The following SLC13A1 variants were observed in gnomAD, a reference collection of about 807,000 sequenced individuals.
SLC13A1 encodes solute carrier family 13 member 1, also known as Na(+)/sulfate cotransporter.
In SLC13A1, 65 loss-of-function variants were observed where a neutral mutation model predicts 70.0. The ratio of observed to expected loss-of-function variants is 0.93; its 90% confidence interval spans 0.76 to 1.14. The LOEUF is 1.14. SLC13A1 is among the 50% of genes most tolerant of loss of function. The pLI is 0.00. For missense variants in SLC13A1, 726 were observed against 717.8 expected (o/e 1.01, Z -0.13); for synonymous variants, 275 against 250.5 (o/e 1.10, Z -0.92).
At chr7:123,180,834 G>A (rs1423522442) in intron 2 of SLC13A1, 139 bp downstream of exon 2, 4 of 794,876 alleles carry the variant, frequency 5.0e-6, no homozygotes, top group Non-Finnish European at 5.8e-6. Context: ...ATGCCAGAGA[G>A]GAGAAACAGT....
At chr7:123,117,652 T>G in intron 13 of SLC13A1, 44 bp from the exon 14 acceptor site, 2 of 1,404,702 alleles carry the variant, frequency 1.4e-6, no homozygotes, top group Non-Finnish European at 1.9e-6. Context: ...ATTTTGAGGG[T>G]AGACACGAAA....
chr7:123,121,197 C>T (rs1402200742), intron 12 of SLC13A1, among the ~76,000 whole-genome samples: 1 of 152,020 alleles, frequency 6.6e-6, no homozygotes, highest in African/African-American at 2.4e-5. Context: ...CAGAGAACAA[C>T]AGCAGGACTG....
At chr7:123,167,828 G>A (rs1207697399) in intron 6 of SLC13A1, among the ~76,000 whole-genome samples, 1 of 151,956 alleles carries the variant, frequency 6.6e-6, no homozygotes, top group East Asian at 1.9e-4. Context: ...ATGAATAGGA[G>A]TTGCTCCAAG....
chr7:123,153,958 T>C (rs1563335108), intron 6 of SLC13A1, among the ~76,000 whole-genome samples: 1 of 152,102 alleles, frequency 6.6e-6, no homozygotes, highest in African/African-American at 2.4e-5. Context: ...TCCACCTTCT[T>C]GATACTTTTT....
At chr7:123,199,452 G>C (rs1796283882) in intron 1 of SLC13A1, among the ~76,000 whole-genome samples, 1 of 152,050 alleles carries the variant, frequency 6.6e-6, no homozygotes, top group African/African-American at 2.4e-5. Flanking sequence ...GATTTCCCTT[G>C]TTCTTCCACC....
chr7:123,188,103 T>C (rs557873645), intron 1 of SLC13A1, among the ~76,000 whole-genome samples: 144 of 152,258 alleles, frequency 9.5e-4, no homozygotes, highest in Admixed American at 1.6e-3. Flanking sequence ...CAGGTGGAGG[T>C]AATTGAATAA....
chr7:123,160,629 T>C (rs6963735), intron 6 of SLC13A1, among the ~76,000 whole-genome samples: 48,125 of 151,948 alleles, frequency 0.32, 7,903 homozygotes, highest in African/African-American at 0.4. Context: ...ACCTAATTAG[T>C]TAAAAATGTA....
At chr7:123,160,103 G>A (rs1794839347) in intron 6 of SLC13A1, among the ~76,000 whole-genome samples, 1 of 151,832 alleles carries the variant, frequency 6.6e-6, no homozygotes, top group Non-Finnish European at 1.5e-5. Context: ...CCAACATAGT[G>A]ACATCCCTTC....
chr7:123,122,419 T>C (rs1793413851), intron 12 of SLC13A1, among the ~76,000 whole-genome samples: 1 of 152,144 alleles, frequency 6.6e-6, no homozygotes, highest in African/African-American at 2.4e-5. Context: ...TAGGAGTAAT[T>C]AATTTTCATG....
chr7:123,195,496 A>G (rs1276869424), intron 1 of SLC13A1, among the ~76,000 whole-genome samples: 1 of 151,804 alleles, frequency 6.6e-6, no homozygotes, highest in Non-Finnish European at 1.5e-5. Context: ...TTCTTTGACC[A>G]ACTTCTCGAC....
intron 12 of SLC13A1, 25 bp from the exon 13 acceptor site, chr7:123,119,267 G>T (rs1310968013): frequency 1.3e-5 from 19 of 1,497,404 alleles, no homozygotes; most frequent in Non-Finnish European, 1.7e-5. Flanking sequence ...TGCAATATTT[G>T]TTACTCATGA....
chr7:123,176,142 C>T (rs1795439533), intron 2 of SLC13A1, among the ~76,000 whole-genome samples: 1 of 152,190 alleles, frequency 6.6e-6, no homozygotes, highest in South Asian at 2.1e-4. Context: ...ATAGACCATG[C>T]AAACAAACTA....
intron 6 of SLC13A1, chr7:123,148,482 T>A: frequency 2.2e-6 from 1 of 453,338 alleles, no homozygotes; most frequent in Non-Finnish European, 4.4e-6. Context: ...ATTTAAGAGA[T>A]GACTTTCTAG....
chr7:123,143,074 G>A (rs946601323), intron 7 of SLC13A1, among the ~76,000 whole-genome samples: 1 of 152,150 alleles, frequency 6.6e-6, no homozygotes, highest in East Asian at 1.9e-4. Context: ...CTGTGGCTGA[G>A]CTGGTATCCA....
At chr7:123,186,872 T>G in intron 1 of SLC13A1, 1 of 392,094 alleles carries the variant, frequency 2.6e-6, no homozygotes, top group South Asian at 1.9e-5. Context: ...TTATTTATCA[T>G]GAAGGACATA....
Position 123,171,772 on chromosome 7 carries a change from C to T in SLC13A1, c.361G>A (p.Ala121Thr), listed in dbSNP as rs761150955. The change falls in exon 3 of 15, where the codon GCA (alanine) becomes ACA (threonine). Residue 121 changes from alanine (A) to threonine (T), a missense_variant. By Grantham distance (58) the Ala-to-Thr change is moderately conservative. Transcript: ENST00000194130. ...AGCAGTAAATGCAGTACTTACCATG[C>T]AGGATTTACACCAACCATCATCACC... ...KMVMMVGVNP[A>T]WLTLGFMSST... is the part of the protein sequence containing the mutation. The T allele has an allele frequency of 6.2e-7, 1 of 1,613,564 alleles. No homozygotes were observed. Among genetic ancestry groups the T allele is most frequent in the Non-Finnish European group, 8.5e-7 (1 of 1,179,844 alleles).
intron 1 of SLC13A1, among the ~76,000 whole-genome samples, chr7:123,191,362 G>C (rs186719072): frequency 6.6e-6 from 1 of 152,210 alleles, no homozygotes; most frequent in East Asian, 1.9e-4. Context: ...TTAGTTTCTG[G>C]CATTTAACCT....
At position 123,114,487 on chromosome 7, in the gene SLC13A1, C is replaced by T. The variant is rs1010016887; in HGVS notation, c.*1031G>A. On this transcript the variant is annotated 3_prime_UTR_variant, in exon 15 of 15. Transcript: ENST00000194130. ...TCATTTATTTTTCTGTTTTGTAATA[C>T]GTCAGCAGTTTTCATTCTTATTCTT... is the stretch of plus-strand genomic sequence containing the variant. 3 of 151,504 alleles carry T rather than the reference C, an allele frequency of 2.0e-5. No individual in the cohort carries two copies. The highest frequency in any genetic ancestry group is 6.6e-5 in the Admixed American group (1 of 15,222). The allele number at this position is 151,504 out of a possible 1,614,324, so 9.4% of individuals were successfully genotyped here.
At chr7:123,133,722 G>A (rs1381621426) in intron 8 of SLC13A1, among the ~76,000 whole-genome samples, 6 of 151,832 alleles carry the variant, frequency 4.0e-5, no homozygotes, top group Non-Finnish European at 7.4e-5. Context: ...AGTAGAGATG[G>A]GATTTCACCA....
Sources: gnomAD v4.1 joint callset for allele counts (sites outside exome capture counted in the v4.1 genomes callset) on GRCh38, gnomAD v4.1.1 for gene constraint, MANE v1.5 for transcripts, NCBI Gene and HGNC (gene_info 2026-07-23, HGNC 2026-07-21) for gene names.